Variants in GABRG3 observed in about 807,000 individuals in gnomAD.
GABRG3 encodes gamma-aminobutyric acid receptor subunit gamma-3.
In GABRG3, 25 loss-of-function variants were observed where a neutral mutation model predicts 48.8. The observed-to-expected ratio is 0.51, with a 90% CI of 0.37 to 0.72. GABRG3 has a LOEUF of 0.72. GABRG3 is among the 30% of genes least tolerant of loss of function. The pLI is 0.00. For missense variants in GABRG3, 394 were observed against 577.9 expected, an observed-to-expected ratio of 0.68 and a Z score of 3.26; for synonymous variants, 227 against 217.6, an observed-to-expected ratio of 1.04 and a Z score of -0.38.
intron 3 of GABRG3, among the ~76,000 whole-genome samples, chr15:27,309,801 G>C (rs1226689131): frequency 6.6e-6 from 1 of 151,894 alleles, no homozygotes; most frequent in East Asian, 1.9e-4. Context: ...TAACCCAGTG[G>C]TCCATTTCTG....
intron 3 of GABRG3, among the ~76,000 whole-genome samples, chr15:27,204,470 T>C (rs926004725): frequency 1.3e-5 from 2 of 152,098 alleles, no homozygotes; most frequent in African/African-American, 4.8e-5. Flanking sequence ...AGTGATAGTG[T>C]GATGCTTCCA....
intron 3 of GABRG3, among the ~76,000 whole-genome samples, chr15:27,094,959 A>G (rs1683345249): frequency 6.6e-6 from 1 of 152,180 alleles, no homozygotes; most frequent in African/African-American, 2.4e-5. Flanking sequence ...TACACAAGAC[A>G]CATAATTATC....
intron 3 of GABRG3, among the ~76,000 whole-genome samples, chr15:27,281,439 C>G (rs1162377512): frequency 1.3e-5 from 2 of 150,096 alleles, no homozygotes; most frequent in African/African-American, 2.5e-5. Flanking sequence ...GATAGCATCT[C>G]TCTGTTTTTT....
intron 3 of GABRG3, among the ~76,000 whole-genome samples, chr15:27,272,615 A>T (rs1281486025): frequency 1.3e-5 from 2 of 152,208 alleles, no homozygotes; most frequent in African/African-American, 4.8e-5. Context: ...ACAAGAGTTA[A>T]AGACTAATTA....
chr15:27,253,031 G>A (rs1890508120), intron 3 of GABRG3, among the ~76,000 whole-genome samples: 1 of 152,216 alleles, frequency 6.6e-6, no homozygotes, highest in Non-Finnish European at 1.5e-5. Flanking sequence ...GCTCCGGGCT[G>A]CGCCTTGCAC....
chr15:27,064,227 G>A (rs545614897), intron 3 of GABRG3, among the ~76,000 whole-genome samples: 1 of 152,302 alleles, frequency 6.6e-6, no homozygotes, highest in East Asian at 1.9e-4. Context: ...TACTTGCAGT[G>A]TTGGCTAGCA....
At chr15:27,505,850 TA>T (rs1179767385) in intron 6 of GABRG3, among the ~76,000 whole-genome samples, 1 of 152,218 alleles carries the variant, frequency 6.6e-6, no homozygotes, top group Non-Finnish European at 1.5e-5. Flanking sequence ...ATTTCTTTCT[TA>T]GATCCTTGGT....
chr15:27,507,258 A>G (rs1332538404), intron 6 of GABRG3, among the ~76,000 whole-genome samples: 1 of 152,098 alleles, frequency 6.6e-6, no homozygotes, highest in Admixed American at 6.6e-5. Context: ...TAATCCCAGT[A>G]TTTTTCAGGC....
intron 5 of GABRG3, among the ~76,000 whole-genome samples, chr15:27,346,683 A>G (rs1391524850): frequency 6.7e-6 from 1 of 149,194 alleles, no homozygotes; most frequent in Non-Finnish European, 1.5e-5. Context: ...ACCTATTTTT[A>G]TGCTCAATGT....
At chr15:27,314,110 GAAAT>G (rs570954646) in intron 3 of GABRG3, among the ~76,000 whole-genome samples, 51 of 152,048 alleles carry the variant, frequency 3.4e-4, no homozygotes, top group South Asian at 1.5e-3. Flanking sequence ...ATGAAAATCA[GAAAT>G]AAATAAACGG....
chr15:27,020,228 C>T (rs984602507), intron 2 of GABRG3, among the ~76,000 whole-genome samples: 3 of 152,202 alleles, frequency 2.0e-5, no homozygotes, highest in Admixed American at 6.5e-5. Flanking sequence ...TCACTTGACA[C>T]GTCTGCTCAG....
chr15:27,014,766 AAT>A (rs1895747516), intron 2 of GABRG3, among the ~76,000 whole-genome samples: 1 of 152,070 alleles, frequency 6.6e-6, no homozygotes, highest in African/African-American at 2.4e-5. Flanking sequence ...GAGTGTTCTG[AAT>A]ATGTCTGTTA....
At chr15:27,062,603 G>A (rs1896670477) in intron 3 of GABRG3, among the ~76,000 whole-genome samples, 1 of 151,902 alleles carries the variant, frequency 6.6e-6, no homozygotes, top group Non-Finnish European at 1.5e-5. Flanking sequence ...GAGAGACTGT[G>A]TTTCAAAAAA....
chr15:27,168,911 G>T (rs1192407704), intron 3 of GABRG3, among the ~76,000 whole-genome samples: 1 of 152,214 alleles, frequency 6.6e-6, no homozygotes, highest in Non-Finnish European at 1.5e-5. Flanking sequence ...TCTTGCAGAG[G>T]AATTAAGCCC....
intron 2 of GABRG3, among the ~76,000 whole-genome samples, chr15:27,009,630 A>G (rs1291178273): frequency 2.6e-5 from 4 of 152,220 alleles, no homozygotes; most frequent in Admixed American, 6.5e-5. Flanking sequence ...AACAATGCCT[A>G]CATTAGGACA....
chr15:27,028,653 A>T (rs1896025382), intron 3 of GABRG3, among the ~76,000 whole-genome samples: 1 of 151,960 alleles, frequency 6.6e-6, no homozygotes, highest in Admixed American at 6.6e-5. Context: ...AAAAATATAA[A>T]AAATCAGCTG....
At chr15:27,308,307 A>AAC (rs1446186888) in intron 3 of GABRG3, among the ~76,000 whole-genome samples, 1 of 129,450 alleles carries the variant, frequency 7.7e-6, no homozygotes, top group Admixed American at 7.7e-5. Flanking sequence ...ACATCATATA[A>AAC]ACATATATAA....
At chr15:27,498,643 A>C in intron 6 of GABRG3, among the ~76,000 whole-genome samples, 1 of 152,012 alleles carries the variant, frequency 6.6e-6, no homozygotes, top group African/African-American at 2.4e-5. Flanking sequence ...GGTGCACGCC[A>C]CCATGCCTGG....
intron 3 of GABRG3, among the ~76,000 whole-genome samples, chr15:27,044,359 G>T (rs958675079): frequency 3.3e-5 from 5 of 151,916 alleles, no homozygotes; most frequent in African/African-American, 1.2e-4. Context: ...ACACGGTTTT[G>T]ATATTTTTAG....
Sources: allele counts gnomAD v4.1 joint callset (sites outside exome capture counted in the v4.1 genomes callset), GRCh38; gene constraint gnomAD v4.1.1; transcripts MANE v1.5; gene names NCBI Gene and HGNC (gene_info 2026-07-23, HGNC 2026-07-21).